Variants in FSD1L observed in about 807,000 individuals in gnomAD.
FSD1L encodes the protein FSD1-like protein.
FSD1L carries 45 observed loss-of-function variants against 71.6 expected under a neutral mutation model. That is an observed-to-expected ratio of 0.63 (90% confidence interval 0.49 to 0.81). FSD1L has a LOEUF of 0.81. FSD1L is among the 30% of genes least tolerant of loss of function. The pLI, the probability that FSD1L is intolerant of heterozygous loss-of-function variation, is 0.00. For missense variants in FSD1L, 561 were observed against 618.1 expected (o/e 0.91, Z 0.98); for synonymous variants, 197 against 207.2 (o/e 0.95, Z 0.42).
intron 1 of FSD1L, among the ~76,000 whole-genome samples, chr9:105,453,044 G>GTTTTTTTTT (rs774826229): frequency 1.0e-3 from 91 of 88,232 alleles, no homozygotes; most frequent in Non-Finnish European, 1.2e-3. Flanking sequence ...ACCTAAAGTT[G>GTTTTTTTTT]TTTTTTTTTT....
intron 10 of FSD1L, among the ~76,000 whole-genome samples, chr9:105,533,416 C>CTTTT (rs754896606): frequency 0.011 from 307 of 29,032 alleles, 117 homozygotes; most frequent in African/African-American, 9.4e-3. Flanking sequence ...CCATTTCCAT[C>CTTTT]TTTTTTTTTT....
At chr9:105,509,090 T>C (rs1242155805) in intron 9 of FSD1L, among the ~76,000 whole-genome samples, 1 of 152,258 alleles carries the variant, frequency 6.6e-6, no homozygotes, top group Non-Finnish European at 1.5e-5. Context: ...AGGTCCTCTC[T>C]GTTTTCCTGT....
At chr9:105,487,704 T>C (rs1832645012) in intron 7 of FSD1L, among the ~76,000 whole-genome samples, 1 of 152,150 alleles carries the variant, frequency 6.6e-6, no homozygotes, top group Non-Finnish European at 1.5e-5. Flanking sequence ...GAATTTATGG[T>C]GATTTTTTTT....
chr9:105,444,174 T>G (rs1181026589), upstream of FSD1L, among the ~76,000 whole-genome samples: 1 of 152,114 alleles, frequency 6.6e-6, no homozygotes, highest in Admixed American at 6.5e-5. Context: ...TGTGCAAGGG[T>G]AAAACAGAAG....
intron 13 of FSD1L, among the ~76,000 whole-genome samples, chr9:105,543,891 A>G (rs1159889806): frequency 6.6e-6 from 1 of 152,228 alleles, no homozygotes; most frequent in Non-Finnish European, 1.5e-5. Context: ...CGCAATAAAC[A>G]TACATGTGCA....
intron 1 of FSD1L, among the ~76,000 whole-genome samples, chr9:105,448,526 T>G (rs1419185902): frequency 6.6e-6 from 1 of 152,188 alleles, no homozygotes; most frequent in African/African-American, 2.4e-5. Flanking sequence ...AATCAGCCAC[T>G]CTGCAGCGCT....
chr9:105,463,441 G>A (rs572397510), intron 2 of FSD1L, among the ~76,000 whole-genome samples: 2 of 152,268 alleles, frequency 1.3e-5, no homozygotes, highest in East Asian at 3.9e-4. Context: ...GACTTGTGCT[G>A]TCCAATATGA....
chr9:105,488,614 T>G (rs527814296), intron 7 of FSD1L, among the ~76,000 whole-genome samples: 1 of 152,330 alleles, frequency 6.6e-6, no homozygotes, highest in African/African-American at 2.4e-5. Context: ...AGTGTCTGTA[T>G]GATTTTGCAT....
chr9:105,543,575 C>T (rs1262556143), intron 13 of FSD1L, among the ~76,000 whole-genome samples: 1 of 151,968 alleles, frequency 6.6e-6, no homozygotes, highest in Non-Finnish European at 1.5e-5. Context: ...TAATGCTATC[C>T]CTCTCCCCTC....
intron 5 of FSD1L, among the ~76,000 whole-genome samples, chr9:105,478,351 G>GAACTGA (rs1305792026): frequency 1.3e-5 from 2 of 152,174 alleles, no homozygotes; most frequent in Non-Finnish European, 2.9e-5. Flanking sequence ...AACAACGTTA[G>GAACTGA]AACTGAAGAA....
At chr9:105,524,941 TA>T (rs1348898729) in intron 10 of FSD1L, 4 of 1,614,034 alleles carry the variant, frequency 2.5e-6, no homozygotes, top group African/African-American at 2.7e-5. Flanking sequence ...TTTGTGTTAA[TA>T]ATACAACCTT....
intron 7 of FSD1L, among the ~76,000 whole-genome samples, chr9:105,491,268 A>G (rs565717614): frequency 0.011 from 1,624 of 151,240 alleles, 49 homozygotes; most frequent in African/African-American, 0.038. Context: ...CTTTGAAGCA[A>G]TTGTGAATGG....
chr9:105,488,011 C>T (rs912802202), intron 7 of FSD1L, among the ~76,000 whole-genome samples: 7 of 152,112 alleles, frequency 4.6e-5, no homozygotes, highest in African/African-American at 1.7e-4. Flanking sequence ...ATTGATGAAC[C>T]TACACTGACA....
intron 7 of FSD1L, among the ~76,000 whole-genome samples, chr9:105,493,500 A>T (rs931732098): frequency 1.3e-5 from 2 of 151,976 alleles, no homozygotes; most frequent in African/African-American, 4.8e-5. Context: ...GTCCATTTAC[A>T]TTTAAGGTTA....
Position 105,549,341 on chromosome 9 carries a change from A to T in FSD1L, c.*2858A>T, listed in dbSNP as rs1837173941. 1 of 152,062 alleles carries T rather than the reference A, an allele frequency of 6.6e-6. No individual in the cohort carries two copies. The highest frequency in any genetic ancestry group is 2.4e-5 in the African/African-American group (1 of 41,446). 9.4% of individuals were successfully genotyped at this position (152,062 alleles called of 1,614,324 possible). A position where few individuals can be genotyped will look rare whatever the true frequency, so the allele number is the denominator to read the frequency against. On this transcript the variant is annotated 3_prime_UTR_variant, in exon 14 of 14. Coordinates refer to ENST00000481272, the MANE Select transcript of FSD1L (RefSeq NM_001145313.3). ...CACTTTAGAAAAAGAATTTTTTTAC[A>T]ATTCATTTTGACTCTCATGGCTGAC...
chr9:105,477,060 G>T (rs1045635256), intron 5 of FSD1L, among the ~76,000 whole-genome samples: 43 of 152,174 alleles, frequency 2.8e-4, no homozygotes, highest in African/African-American at 1.0e-3. Context: ...TTCACAAACA[G>T]CATGGTACAT....
At chr9:105,539,821 T>C (rs1836493403) in intron 13 of FSD1L, among the ~76,000 whole-genome samples, 1 of 152,182 alleles carries the variant, frequency 6.6e-6, no homozygotes, top group Non-Finnish European at 1.5e-5. Flanking sequence ...TATGTGGTTA[T>C]AGTTCATTCA....
chr9:105,452,783 T>G (rs561787873), intron 1 of FSD1L, among the ~76,000 whole-genome samples: 3 of 151,976 alleles, frequency 2.0e-5, no homozygotes, highest in Admixed American at 2.0e-4. Flanking sequence ...AGAGTCTTGC[T>G]GTCTTGCTCA....
At chr9:105,484,751 T>C (rs1832425619) in intron 7 of FSD1L, among the ~76,000 whole-genome samples, 1 of 152,044 alleles carries the variant, frequency 6.6e-6, no homozygotes, top group Admixed American at 6.5e-5. Context: ...AGCAGTATGG[T>C]GTGATGGTTA....
Sources: gnomAD v4.1 joint callset for allele counts (sites outside exome capture counted in the v4.1 genomes callset) on GRCh38, gnomAD v4.1.1 for gene constraint, MANE v1.5 for transcripts, NCBI Gene and HGNC (gene_info 2026-07-23, HGNC 2026-07-21) for gene names.